The following CARM1 variants were observed in gnomAD, a reference collection of about 807,000 sequenced individuals.
The protein encoded by CARM1 is histone-arginine methyltransferase CARM1.
CARM1 carries 14 observed loss-of-function variants against 72.7 expected under a neutral mutation model. That is an observed-to-expected ratio of 0.19 (90% confidence interval 0.13 to 0.30). CARM1 has a LOEUF of 0.30. Ranked by LOEUF, CARM1 falls within the 10% of genes least tolerant of loss-of-function variation. The pLI is 1.00. For synonymous variants in CARM1, 333 were observed against 345.5 expected (o/e 0.96, Z 0.40); for missense variants, 432 against 833.7 (o/e 0.52, Z 5.93).
At chr19:10,898,918 G>A (rs537975775) in intron 1 of CARM1, among the ~76,000 whole-genome samples, 1 of 152,358 alleles carries the variant, frequency 6.6e-6, no homozygotes, top group South Asian at 2.1e-4. Context: ...AGGGACTAGA[G>A]GGTTGAGTGT....
chr19:10,908,043 C>T lies in CARM1; in HGVS notation c.351C>T (p.Phe117=). ...VLIQFATPND[F]CSFYNILKTC... ...GACTTGGCTTCCCTGTTCCAGATTT[C>T]TGTTCCTTCTACAACATCCTGAAAA... The change falls in exon 3 of 16, where the codon TTC becomes TTT. Residue 117 remains phenylalanine, a synonymous_variant. Transcript: ENST00000327064. 1 of 1,612,946 alleles carries T rather than the reference C, an allele frequency of 6.2e-7. No individual in the cohort carries two copies. Among genetic ancestry groups the T allele is most frequent in the Non-Finnish European group, 8.5e-7 (1 of 1,179,000 alleles).
At chr19:10,907,954 A>T in intron 2 of CARM1, 85 bp from the exon 3 acceptor site, 1 of 804,048 alleles carries the variant, frequency 1.2e-6, no homozygotes, top group Non-Finnish European at 2.2e-6. Context: ...ACGTCAGGAC[A>T]TACGGCCATC....
At chr19:10,874,565 A>AT (rs2073848738) in intron 1 of CARM1, among the ~76,000 whole-genome samples, 1 of 150,542 alleles carries the variant, frequency 6.6e-6, no homozygotes, top group Non-Finnish European at 1.5e-5. Context: ...AATCTTTCAT[A>AT]TTTTTTGTAG....
chr19:10,921,518 C>A, intron 15 of CARM1, 75 bp downstream of exon 15: 1 of 1,566,696 alleles, frequency 6.4e-7, no homozygotes, highest in East Asian at 2.3e-5. Context: ...TCCGGCCGCC[C>A]GCCTGCCCTC....
Position 10,912,518 on chromosome 19 carries a change from CT to C in CARM1, c.669+238del, listed in dbSNP as rs201894360. 4.5e-3 allele frequency among the ~76,000 whole-genome samples: 640 copies of C among 141,402 alleles called. 3 individuals carry two copies. Among genetic ancestry groups the C allele is most frequent in the African/African-American group, 5.5e-3 (213 of 38,778 alleles). The allele number at this position is 141,402 out of a possible 152,430, so 92.8% of individuals were successfully genotyped here. On this transcript the variant is annotated intron_variant, in intron 5 of 15. Coordinates refer to ENST00000327064, the MANE Select transcript of CARM1 (RefSeq NM_199141.2). The surrounding 1 kb of genome is among the most constrained non-coding windows in gnomAD (Gnocchi z 4.5). ...GGGCCACATGTCATTTCCCTGTTTTCTTTTTTTTTTTTTTGCACTGAAACCT... is the reference window on the plus strand; with the variant it reads ...GGGCCACATGTCATTTCCCTGTTTTCTTTTTTTTTTTTTGCACTGAAACCT...
chr19:10,888,225 CAG>C (rs1304399177), intron 1 of CARM1, among the ~76,000 whole-genome samples: 1 of 152,182 alleles, frequency 6.6e-6, no homozygotes, highest in Non-Finnish European at 1.5e-5. Context: ...TGGTGAGGCT[CAG>C]GGGTCAACTA....
rs777146354 is a variant in CARM1, at chr19:10,916,437, A to G, written c.878A>G (p.His293Arg). Residue 293 changes from histidine to arginine, a missense_variant, in exon 7 of 16, where the codon CAC becomes CGC. By Grantham distance (29) the His-to-Arg change is conservative. This residue lies in a region of CARM1 where 152 missense variants were observed against 452.8 expected (regional missense o/e 0.34). Coordinates refer to ENST00000327064, the MANE Select transcript of CARM1 (RefSeq NM_199141.2). This position sits in a 1 kb window ranked among gnomAD's most constrained non-coding sequence, Gnocchi z 4.4. The stretch of plus-strand genomic sequence containing the variant: ...ATGTTTCCTACCATTGGTGACGTCC[A>G]CCTTGCACCCTTCACGGATGAACAG... ...GNMFPTIGDV[H>R]LAPFTDEQLY... is the part of the protein sequence containing the mutation. 5 of 1,613,880 alleles carry G rather than the reference A, an allele frequency of 3.1e-6. No individual in the cohort carries two copies. In the South Asian group the frequency reaches 5.5e-5, roughly 18 times the overall value.
At chr19:10,881,085 G>T (rs572403628) in intron 1 of CARM1, among the ~76,000 whole-genome samples, 1 of 152,280 alleles carries the variant, frequency 6.6e-6, no homozygotes, top group African/African-American at 2.4e-5. Context: ...AGGATTGCTT[G>T]AGCCCAGAAG....
Position 10,921,715 on chromosome 19 carries a change from G to T in CARM1, c.1785G>T (p.Ser595=). The change falls in exon 16 of 16, where the codon TCG becomes TCT. Residue 595 remains serine (S), a synonymous_variant. Transcript: ENST00000327064. ...TMGGPAISMA[S]PMSIPTNTMH... is the part of the protein sequence containing the mutation. ...GCGGCCCCGCCATCTCCATGGCGTC[G>T]CCCATGTCCATCCCGACCAACACCA... The T allele has an allele frequency of 1.9e-6, 3 of 1,613,356 alleles. No individual in the cohort carries two copies. Among genetic ancestry groups the T allele is most frequent in the Non-Finnish European group, 2.5e-6 (3 of 1,179,694 alleles).
rs1465042063 is a variant in CARM1 at position 10,915,200 on chromosome 19, G to A, written c.847+1146G>A. On this transcript the variant is annotated intron_variant, in intron 6 of 15. Transcript: ENST00000327064. This position sits in a 1 kb window ranked among gnomAD's most constrained non-coding sequence, Gnocchi z 4.6. ...CCCACAGCTGTGTCTCATGTCTTGG[G>A]TGTGAGTATGGGAAGCAAGGCTGCT... Among the ~76,000 whole-genome samples, 2 of 152,154 alleles carry A rather than the reference G, an allele frequency of 1.3e-5. No homozygotes were observed. Among genetic ancestry groups the A allele is most frequent in the African/African-American group, 4.8e-5 (2 of 41,440 alleles).
intron 1 of CARM1, among the ~76,000 whole-genome samples, chr19:10,887,869 G>GC (rs1229625481): frequency 5.9e-5 from 9 of 152,060 alleles, no homozygotes; most frequent in Non-Finnish European, 1.3e-4. Context: ...TCTCTGGAGC[G>GC]CCCCCCTGTA....
In CARM1 at chr19:10,920,576, G is replaced by A; in HGVS notation, c.1334+3G>A. On this transcript the variant is annotated splice_donor_region_variant and intron_variant, in intron 11 of 15. Transcript: ENST00000327064. This position sits in a 1 kb window ranked among gnomAD's most constrained non-coding sequence, Gnocchi z 5.3. Reference sequence around the variant, plus strand: ...TGTCTGCTTATTGCCAACAAAAGGTGCGACTGCTCCCTGGGGCTGGTGGTG... The same window carrying A: ...TGTCTGCTTATTGCCAACAAAAGGTACGACTGCTCCCTGGGGCTGGTGGTG... The A allele has an allele frequency of 6.2e-7, 1 of 1,613,910 alleles. No individual in the cohort carries two copies.
intron 1 of CARM1, among the ~76,000 whole-genome samples, chr19:10,887,753 T>C (rs1235588652): frequency 6.6e-6 from 1 of 152,172 alleles, no homozygotes; most frequent in Non-Finnish European, 1.5e-5. Flanking sequence ...TCAGACTCTT[T>C]CAAGAGGTGC....
chr19:10,910,639 C>A (rs1210616370), intron 4 of CARM1, among the ~76,000 whole-genome samples: 1 of 150,216 alleles, frequency 6.7e-6, no homozygotes, highest in East Asian at 2.0e-4. Flanking sequence ...AATCTCGGCT[C>A]ACTGCAACCT....
intron 1 of CARM1, among the ~76,000 whole-genome samples, chr19:10,872,339 G>A (rs1289209687): frequency 1.3e-5 from 2 of 152,058 alleles, no homozygotes; most frequent in African/African-American, 4.8e-5. Flanking sequence ...GCAGGGAGGA[G>A]GGTGGGGCGT....
chr19:10,883,523 C>T (rs1284906745), intron 1 of CARM1, among the ~76,000 whole-genome samples: 1 of 152,200 alleles, frequency 6.6e-6, no homozygotes, highest in Non-Finnish European at 1.5e-5. Context: ...TCCAGATCTG[C>T]CCAGAAAGTC....
At chr19:10,921,529 T>C in intron 15 of CARM1, 86 bp downstream of exon 15, 1 of 1,567,376 alleles carries the variant, frequency 6.4e-7, no homozygotes, top group Non-Finnish European at 8.7e-7. Flanking sequence ...GCCTGCCCTC[T>C]TGCCTGCCCT....
chr19:10,900,924 C>T (rs2074059137), intron 1 of CARM1, among the ~76,000 whole-genome samples: 1 of 151,808 alleles, frequency 6.6e-6, no homozygotes, highest in African/African-American at 2.4e-5. Context: ...ACCTTGTGAT[C>T]CACCCGCCTC....
chr19:10,882,534 CTTTTTTT>C (rs869046901), intron 1 of CARM1, among the ~76,000 whole-genome samples: 4 of 85,964 alleles, frequency 4.7e-5, no homozygotes, highest in South Asian at 4.9e-4. Flanking sequence ...TGCACTCTGT[CTTTTTTT>C]TTTTTTTTTT....
Sources: gnomAD v4.1 joint callset for allele counts (sites outside exome capture counted in the v4.1 genomes callset) on GRCh38, gnomAD v4.1.1 for gene constraint, gnomAD v4.1.1 regional missense constraint, Gnocchi (gnomAD v3.1) non-coding constraint, MANE v1.5 for transcripts, NCBI Gene and HGNC (gene_info 2026-07-23, HGNC 2026-07-21) for gene names.